Variants in KIAA1586 observed in about 807,000 individuals in gnomAD.
The protein encoded by KIAA1586 is KIAA1586.
Under a neutral mutation model 6.1 loss-of-function variants are expected in KIAA1586, and 5 were observed. The ratio of observed to expected loss-of-function variants is 0.82; its 90% confidence interval spans 0.43 to 1.73. The LOEUF is 1.73. KIAA1586 is among the 40% of genes most tolerant of loss of function. The probability of loss-of-function intolerance (pLI) is 0.02; values close to 1 mark genes in which losing one functional copy is unlikely to be tolerated. For synonymous variants in KIAA1586, 280 were observed against 301.7 expected (o/e 0.93, Z 0.75); for missense variants, 899 against 878.2 (o/e 1.02, Z -0.30).
Position 57,053,238 on chromosome 6 carries a change from G to A in KIAA1586, c.739G>A (p.Val247Ile). The A allele has an allele frequency of 1.9e-6, 3 of 1,599,722 alleles. No individual in the cohort carries two copies. The highest frequency in any genetic ancestry group is 1.1e-5 in the South Asian group (1 of 88,876). Residue 247 changes from valine to isoleucine, a missense_variant, in exon 4 of 4, where the codon GTA (valine) becomes ATA (isoleucine). Transcript: ENST00000370733. ...KQNNKNIDAT[V>I]KVFNTVYSLV... is the part of the protein sequence containing the mutation. Reference sequence around the variant, plus strand: ...AAATAATAAAAATATTGATGCTACTGTAAAAGTTTTCAATACTGTTTACAG... The same window carrying A: ...AAATAATAAAAATATTGATGCTACTATAAAAGTTTTCAATACTGTTTACAG...
At position 57,053,001 on chromosome 6, in the gene KIAA1586, C is replaced by T. The variant is rs575426890; in HGVS notation, c.502C>T (p.Arg168Trp). 5.6e-6 allele frequency: 9 copies of T among 1,613,798 alleles called. No individual in the cohort carries two copies. Among genetic ancestry groups the T allele is most frequent in the African/African-American group, 4.0e-5 (3 of 74,994 alleles). The change falls in exon 4 of 4, where the codon CGG becomes TGG. Residue 168 changes from arginine to tryptophan, a missense_variant. Coordinates refer to ENST00000370733, the MANE Select transcript of KIAA1586 (RefSeq NM_020931.4). ...AGGATGTAAGGATTGTTCAGCAGTT[C>T]GGCATTTGGGATCGAAAGCAGAAAA... The part of the protein sequence containing the change: ...KLGCKDCSAV[R>W]HLGSKAEKHV...
the KIAA1586 span, among the ~76,000 whole-genome samples, chr6:57,064,049 A>C: frequency 6.6e-6 from 1 of 152,204 alleles, no homozygotes; most frequent in Non-Finnish European, 1.5e-5. Context: ...GGGCTCCCCT[A>C]AGGGAGCAAC....
At chr6:57,065,042 G>A in the KIAA1586 span, among the ~76,000 whole-genome samples, 1 of 152,218 alleles carries the variant, frequency 6.6e-6, no homozygotes, top group South Asian at 2.1e-4. Flanking sequence ...TAGATTTTTG[G>A]GTTGAAGATT....
At chr6:57,058,147 A>G (rs571427101), downstream of KIAA1586, among the ~76,000 whole-genome samples, 86 of 147,724 alleles carry the variant, frequency 5.8e-4, no homozygotes, top group African/African-American at 1.7e-3. Context: ...GCTAGATGAG[A>G]AAAAAAAAAC....
In KIAA1586 at chr6:57,054,588, G is replaced by C; in HGVS notation, c.2089G>C (p.Val697Leu). 1.2e-6 allele frequency: 2 copies of C among 1,605,138 alleles called. No homozygotes were observed. The highest frequency in any genetic ancestry group is 1.7e-6 in the Non-Finnish European group (2 of 1,174,234). The change falls in exon 4 of 4, where the codon GTT becomes CTT. Residue 697 changes from valine (V) to leucine (L), a missense_variant. Coordinates refer to ENST00000370733, the MANE Select transcript of KIAA1586 (RefSeq NM_020931.4). ...AACTATATACAAAGCTAAAAAGATA[G>C]TTAGCACCATTGCAATCAATAGTGC... ...PTTIYKAKKI[V>L]STIAINSAEA...
rs767184591 is a variant in KIAA1586 at position 57,053,528 on chromosome 6, A to G, written c.1029A>G (p.Ala343=). Residue 343 remains alanine (A), a synonymous_variant, in exon 4 of 4, where the codon GCA becomes GCG. Coordinates refer to ENST00000370733, the MANE Select transcript of KIAA1586 (RefSeq NM_020931.4). ...YLQCTIQSAP[A]PVMLFVALKE... The stretch of plus-strand genomic sequence containing the variant: ...AGTGCACAATTCAGTCAGCTCCTGC[A>G]CCTGTTATGTTATTTGTGGCTTTAA... The G allele has an allele frequency of 1.7e-5, 27 of 1,613,488 alleles. No homozygotes were observed. Among genetic ancestry groups the G allele is most frequent in the Non-Finnish European group, 2.2e-5 (26 of 1,179,776 alleles).
the KIAA1586 span, among the ~76,000 whole-genome samples, chr6:57,066,874 A>G: frequency 6.6e-6 from 1 of 152,164 alleles, no homozygotes; most frequent in Non-Finnish European, 1.5e-5. Context: ...TTGCCCTCTG[A>G]AATAAATTAC....
chr6:57,054,916 T>A lies in KIAA1586; in HGVS notation c.*53T>A. 1 of 1,438,272 alleles carries A rather than the reference T, an allele frequency of 7.0e-7. No individual in the cohort carries two copies. The highest frequency in any genetic ancestry group is 9.2e-7 in the Non-Finnish European group (1 of 1,090,420). The allele number at this position is 1,438,272 out of a possible 1,614,324, so 89.1% of individuals were successfully genotyped here. A position where few individuals can be genotyped will look rare whatever the true frequency, so the allele number is the denominator to read the frequency against. ...TAAATTATGTACTACACATCCTTTA[T>A]ATACATAAAGGTCTTTTTTTTTTTT... On this transcript the variant is annotated 3_prime_UTR_variant, in exon 4 of 4. Transcript: ENST00000370733.
downstream of KIAA1586, among the ~76,000 whole-genome samples, chr6:57,057,706 C>T (rs989269444): frequency 5.3e-5 from 8 of 152,000 alleles, no homozygotes; most frequent in Admixed American, 2.6e-4. Context: ...GAGCTAAAAT[C>T]GCACCACTGC....
the KIAA1586 span, among the ~76,000 whole-genome samples, chr6:57,066,126 A>G: frequency 6.6e-6 from 1 of 151,882 alleles, no homozygotes; most frequent in Non-Finnish European, 1.5e-5. Flanking sequence ...AAAAAAAAAA[A>G]AAAATAGCCA....
chr6:57,062,664 C>T, the KIAA1586 span, among the ~76,000 whole-genome samples: 16 of 152,302 alleles, frequency 1.1e-4, no homozygotes, highest in East Asian at 2.9e-3. Context: ...TCAGAAATGT[C>T]TACTGCCACT....
At position 57,053,626 on chromosome 6, in the gene KIAA1586, C is replaced by G. The variant is rs1242253740; in HGVS notation, c.1127C>G (p.Thr376Arg). ...ACTACTTTAAATGATTGTGGTTTTA[C>G]AAATGAATATTTGAAAGCAAATTTA... ...LLTTLNDCGF[T>R]NEYLKANLIA... is the part of the protein sequence containing the mutation. The change falls in exon 4 of 4, where the codon ACA becomes AGA. Residue 376 changes from threonine to arginine, a missense_variant. Thr to Arg is a moderately conservative substitution (Grantham distance 71, BLOSUM62 -1). Transcript: ENST00000370733. 6.2e-7 allele frequency: 1 copy of G among 1,611,138 alleles called. No homozygotes were observed. Among genetic ancestry groups the G allele is most frequent in the Admixed American group, 1.7e-5 (1 of 59,752 alleles).
downstream of KIAA1586, among the ~76,000 whole-genome samples, chr6:57,059,647 A>T (rs894360595): frequency 7.2e-5 from 11 of 151,880 alleles, no homozygotes; most frequent in African/African-American, 2.7e-4. Flanking sequence ...ATTAGACGGC[A>T]CTACCCTATA....
At chr6:57,050,637 ATTAT>A (rs1750252108) in intron 2 of KIAA1586, 133 bp from the exon 3 acceptor site, 1 of 631,470 alleles carries the variant, frequency 1.6e-6, no homozygotes, top group Non-Finnish European at 2.8e-6. Flanking sequence ...TTTGTTTCTA[ATTAT>A]TCTGTGCCAC....
chr6:57,060,596 C>T, the KIAA1586 span, among the ~76,000 whole-genome samples: 1 of 152,132 alleles, frequency 6.6e-6, no homozygotes, highest in African/African-American at 2.4e-5. Flanking sequence ...TATAATGAGT[C>T]TGTGCCCTCC....
chr6:57,065,818 C>T, the KIAA1586 span, among the ~76,000 whole-genome samples: 4 of 152,006 alleles, frequency 2.6e-5, no homozygotes, highest in Non-Finnish European at 5.9e-5. Flanking sequence ...ATGATTTTCT[C>T]CTCTGTAGTT....
the KIAA1586 span, among the ~76,000 whole-genome samples, chr6:57,064,164 A>G: frequency 6.6e-6 from 1 of 152,246 alleles, no homozygotes; most frequent in Non-Finnish European, 1.5e-5. Context: ...GTTTCTTTGA[A>G]GATACATATT....
chr6:57,049,474 T>C (rs1828267024), intron 2 of KIAA1586, among the ~76,000 whole-genome samples: 1 of 152,210 alleles, frequency 6.6e-6, no homozygotes, highest in Non-Finnish European at 1.5e-5. Context: ...GCCTTCATTC[T>C]GCGTTGTGGC....
chr6:57,066,093 A>G, the KIAA1586 span, among the ~76,000 whole-genome samples: 3 of 151,084 alleles, frequency 2.0e-5, no homozygotes, highest in African/African-American at 7.3e-5. Flanking sequence ...CCTGGCCAAC[A>G]TGGTGAAAAC....
Sources: gnomAD v4.1 joint callset for allele counts (sites outside exome capture counted in the v4.1 genomes callset) on GRCh38, gnomAD v4.1.1 for gene constraint, MANE v1.5 for transcripts, NCBI Gene and HGNC (gene_info 2026-07-23, HGNC 2026-07-21) for gene names.